Variants in SLC6A16 observed in about 807,000 individuals in gnomAD.
SLC6A16 encodes the protein orphan sodium- and chloride-dependent neurotransmitter transporter NTT5.
In SLC6A16, 54 loss-of-function variants were observed where a neutral mutation model predicts 65.4. That is an observed-to-expected ratio of 0.83 (90% confidence interval 0.66 to 1.04). SLC6A16 has a LOEUF of 1.04. Ranked by LOEUF, SLC6A16 falls within the 50% of genes least tolerant of loss-of-function variation. The probability of loss-of-function intolerance (pLI) is 0.00; values close to 1 mark genes in which losing one functional copy is unlikely to be tolerated. For synonymous variants in SLC6A16, 330 were observed against 346.5 expected (o/e 0.95, Z 0.53); for missense variants, 816 against 914.0 (o/e 0.89, Z 1.38).
chr19:49,290,263 T>C lies in SLC6A16; in HGVS notation c.2071A>G (p.Lys691Glu), dbSNP rs1416484462. The C allele has an allele frequency of 6.2e-7, 1 of 1,614,124 alleles. No individual in the cohort carries two copies. Among genetic ancestry groups the C allele is most frequent in the Non-Finnish European group, 8.5e-7 (1 of 1,180,030 alleles). Reference sequence around the variant, plus strand: ...GCTGTCATAGGCCCGTCTCCGCTCTTGGGCCTGAAGGGAATCCTATGTATG... The same window carrying C: ...GCTGTCATAGGCCCGTCTCCGCTCTCGGGCCTGAAGGGAATCCTATGTATG... ...CRIHRIPFRPKSGDGPMTAST... is the reference protein window; with the variant it reads ...CRIHRIPFRPESGDGPMTAST... The change falls in exon 12 of 12, where the codon AAG (lysine) becomes GAG (glutamate). Residue 691 changes from lysine to glutamate, a missense_variant. Transcript: ENST00000335875.
chr19:49,290,474 G>A, intron 11 of SLC6A16, 82 bp from the exon 12 acceptor site: 1 of 1,568,332 alleles, frequency 6.4e-7, no homozygotes, highest in East Asian at 2.3e-5. Context: ...GGATGGGTGG[G>A]GAACCAAAGC....
In SLC6A16 at chr19:49,294,030, T is replaced by G; in HGVS notation, c.1417-2A>C. On this transcript the variant is annotated splice_acceptor_variant, in intron 8 of 11. Coordinates refer to ENST00000335875, the MANE Select transcript of SLC6A16 (RefSeq NM_014037.3). LOFTEE classifies it high-confidence loss of function. ...TGCAAACTTTGGGCCCTCGCTAGCC[T>G]GCAAAGAGAACAAAGAGGTGTTAAA... 1 of 1,609,372 alleles carries G rather than the reference T, an allele frequency of 6.2e-7. No individual in the cohort carries two copies. The highest frequency in any genetic ancestry group is 8.5e-7 in the Non-Finnish European group (1 of 1,179,526).
the SLC6A16 span, chr19:49,336,910 C>T: frequency 1.7e-5 from 27 of 1,613,962 alleles, no homozygotes; most frequent in Non-Finnish European, 2.2e-5. Context: ...CTCTCCCAGG[C>T]TTGGCCTTCG....
chr19:49,307,799 CCTCTGGA>C (rs1036404928), intron 7 of SLC6A16, among the ~76,000 whole-genome samples: 1 of 151,728 alleles, frequency 6.6e-6, no homozygotes, highest in Non-Finnish European at 1.5e-5. Flanking sequence ...AGGGTTGCCT[CCTCTGGA>C]AGGCCCCATC....
Position 49,308,996 on chromosome 19 carries a change from C to T in SLC6A16, c.1109G>A (p.Cys370Tyr). Residue 370 changes from cysteine (C) to tyrosine (Y), a missense_variant, in exon 7 of 12, where the codon TGT (cysteine) becomes TAT (tyrosine). By Grantham distance (194) the Cys-to-Tyr change is radical. Transcript: ENST00000335875. ...LASYMPQSNNCLSDAFLVSVI... is the reference protein window; with the variant it reads ...LASYMPQSNNYLSDAFLVSVI... The stretch of plus-strand genomic sequence containing the variant: ...AGACACGAGAAAGGCATCACTGAGA[C>T]AGTTGTTGGACTGGGGCATGTAGGA... 2 of 1,614,180 alleles carry T rather than the reference C, an allele frequency of 1.2e-6. No homozygotes were observed. The highest frequency in any genetic ancestry group is 2.2e-5 in the South Asian group (2 of 91,084).
the SLC6A16 span, chr19:49,340,193 C>A: frequency 6.7e-7 from 1 of 1,503,552 alleles, no homozygotes; most frequent in South Asian, 1.1e-5. Context: ...GGGTGGGCAT[C>A]ACCCCCGTCT....
chr19:49,314,797 T>G (rs1970588253), intron 1 of SLC6A16, among the ~76,000 whole-genome samples: 1 of 152,156 alleles, frequency 6.6e-6, no homozygotes, highest in African/African-American at 2.4e-5. Context: ...AAAACAAATC[T>G]AAATTGAAGT....
chr19:49,301,398 A>C (rs1970289907), intron 7 of SLC6A16, among the ~76,000 whole-genome samples: 1 of 152,188 alleles, frequency 6.6e-6, no homozygotes, highest in African/African-American at 2.4e-5. Flanking sequence ...GGGAACCAAG[A>C]AGTGGGACAG....
intron 10 of SLC6A16, among the ~76,000 whole-genome samples, chr19:49,291,032 C>T (rs1970068162): frequency 6.6e-6 from 1 of 152,156 alleles, no homozygotes; most frequent in Non-Finnish European, 1.5e-5. Flanking sequence ...CTCTTTCATT[C>T]ATCCCATAAA....
chr19:49,339,564 G>A, the SLC6A16 span: 1 of 1,466,322 alleles, frequency 6.8e-7, no homozygotes. The surrounding 1 kb of genome is among the most constrained non-coding windows in gnomAD (Gnocchi z 4.5). Context: ...AGCACCGGAG[G>A]GTGGGGGCGG....
At chr19:49,339,559 C>G in the SLC6A16 span, 2 of 1,467,002 alleles carry the variant, frequency 1.4e-6, no homozygotes, top group Non-Finnish European at 1.8e-6. The surrounding 1 kb of genome is among the most constrained non-coding windows in gnomAD (Gnocchi z 4.5). Context: ...CACCCAGCAC[C>G]GGAGGGTGGG....
At chr19:49,322,311 T>A (rs1359818255) in intron 1 of SLC6A16, among the ~76,000 whole-genome samples, 3 of 152,040 alleles carry the variant, frequency 2.0e-5, no homozygotes, top group African/African-American at 7.2e-5. Flanking sequence ...TGAAAACAAT[T>A]CCATTTGTAA....
At chr19:49,321,918 T>A (rs1224174237) in intron 1 of SLC6A16, among the ~76,000 whole-genome samples, 1 of 149,820 alleles carries the variant, frequency 6.7e-6, no homozygotes, top group Non-Finnish European at 1.5e-5. Context: ...TGACACCATG[T>A]CTCAGCAAAA....
intron 7 of SLC6A16, among the ~76,000 whole-genome samples, chr19:49,300,957 CAGG>C (rs1437286706): frequency 1.3e-5 from 2 of 152,060 alleles, no homozygotes; most frequent in Non-Finnish European, 2.9e-5. Flanking sequence ...GAGGCTGAGA[CAGG>C]AGAATTGCTT....
At chr19:49,326,473 G>GAAAGGCTT (rs1370066916), upstream of SLC6A16, among the ~76,000 whole-genome samples, 1 of 152,178 alleles carries the variant, frequency 6.6e-6, no homozygotes, top group African/African-American at 2.4e-5. Context: ...CTTTGAGAAT[G>GAAAGGCTT]AAAGGCTTAA....
intron 7 of SLC6A16, among the ~76,000 whole-genome samples, chr19:49,308,080 A>G (rs1351037154): frequency 1.3e-5 from 2 of 151,588 alleles, no homozygotes. Flanking sequence ...GTGATCAGAC[A>G]ATCAAGGTTC....
the SLC6A16 span, among the ~76,000 whole-genome samples, chr19:49,333,771 G>A: frequency 1.3e-5 from 2 of 152,158 alleles, no homozygotes; most frequent in African/African-American, 2.4e-5. Context: ...GGGACAAGAT[G>A]GAGCTTTGAC....
chr19:49,307,569 G>A (rs1970416210), intron 7 of SLC6A16, among the ~76,000 whole-genome samples: 1 of 151,764 alleles, frequency 6.6e-6, no homozygotes, highest in Non-Finnish European at 1.5e-5. Context: ...GGTGGCTCAC[G>A]CCTGTAATCC....
intron 7 of SLC6A16, among the ~76,000 whole-genome samples, chr19:49,300,018 A>AAG: frequency 6.6e-6 from 1 of 151,538 alleles, no homozygotes; most frequent in Admixed American, 6.6e-5. Flanking sequence ...AAAAAAAAAA[A>AAG]AGAGAGTAAT....
Sources: allele counts gnomAD v4.1 joint callset (sites outside exome capture counted in the v4.1 genomes callset), GRCh38; gene constraint gnomAD v4.1.1; non-coding constraint Gnocchi (gnomAD v3.1); transcripts MANE v1.5; gene names NCBI Gene and HGNC (gene_info 2026-07-23, HGNC 2026-07-21).